The following CSMD3 variants were observed in gnomAD, a reference collection of about 807,000 sequenced individuals.
CSMD3 encodes CUB and sushi domain-containing protein 3.
CSMD3 carries 177 observed loss-of-function variants against 435.2 expected under a neutral mutation model. That is an observed-to-expected ratio of 0.41 (90% CI 0.36 to 0.46). CSMD3 has a LOEUF of 0.46. Among genes scored for constraint, CSMD3 ranks in the 20% least tolerant of loss-of-function variants. The probability of loss-of-function intolerance (pLI) is 0.34; values close to 1 mark genes in which losing one functional copy is unlikely to be tolerated. For synonymous variants in CSMD3, 1,656 were observed against 1,520.5 expected, an observed-to-expected ratio of 1.09 and a Z score of -2.07; for missense variants, 4,265 against 4,504.6, an observed-to-expected ratio of 0.95 and a Z score of 1.52.
intron 1 of CSMD3, among the ~76,000 whole-genome samples, chr8:113,401,894 G>C (rs1179067446): frequency 6.6e-6 from 1 of 151,588 alleles, no homozygotes; most frequent in Admixed American, 6.6e-5. Flanking sequence ...CCTAGAAACA[G>C]TAGGCTACAC....
chr8:112,569,756 G>C (rs1024051749), intron 24 of CSMD3, among the ~76,000 whole-genome samples: 9 of 152,242 alleles, frequency 5.9e-5, no homozygotes, highest in Admixed American at 3.3e-4. Flanking sequence ...GGATTAATCT[G>C]AATTAGATTA....
At position 113,258,501 on chromosome 8, in the gene CSMD3, A is replaced by G. The variant is rs80179213; in HGVS notation, c.514+20091T>C. ...GTGGCTATAATCTGGCCAATTGGAT[A>G]TAAGTAGAAGTGTCATAACACAGCT... On this transcript the variant is annotated intron_variant, in intron 3 of 70. Transcript: ENST00000297405. Among the ~76,000 whole-genome samples, 827 of 152,294 alleles carry G rather than the reference A, an allele frequency of 5.4e-3. 11 individuals carry two copies. The highest frequency in any genetic ancestry group is 0.019 in the African/African-American group (797 of 41,558).
At chr8:113,074,804 G>A (rs1326283620) in intron 5 of CSMD3, among the ~76,000 whole-genome samples, 1 of 151,640 alleles carries the variant, frequency 6.6e-6, no homozygotes, top group Non-Finnish European at 1.5e-5. Flanking sequence ...TCTCCAGTAA[G>A]GTTAATTTCA....
chr8:112,965,232 C>T (rs937403607), intron 7 of CSMD3, among the ~76,000 whole-genome samples: 2 of 151,924 alleles, frequency 1.3e-5, no homozygotes, highest in Admixed American at 6.6e-5. Context: ...TTCACTGTGA[C>T]GATCTCATTC....
intron 1 of CSMD3, chr8:113,377,257 C>A (rs562865412): frequency 7.6e-6 from 3 of 396,954 alleles, no homozygotes; most frequent in South Asian, 5.4e-5. Context: ...AACCGTGGAG[C>A]CTACCCTCTT....
chr8:113,247,450 A>G (rs2093287501), intron 3 of CSMD3, among the ~76,000 whole-genome samples: 1 of 152,184 alleles, frequency 6.6e-6, no homozygotes, highest in African/African-American at 2.4e-5. Flanking sequence ...CTATAGGTCC[A>G]GAAAGTAGGG....
At position 112,685,402 on chromosome 8, in the gene CSMD3, T is replaced by G. The variant is rs1339171099; in HGVS notation, c.2482+4A>C. 6.2e-7 allele frequency: 1 copy of G among 1,610,704 alleles called. No homozygotes were observed. On this transcript the variant is annotated splice_donor_region_variant and intron_variant, in intron 15 of 70. Coordinates refer to ENST00000297405, the MANE Select transcript of CSMD3 (RefSeq NM_198123.2). The stretch of plus-strand genomic sequence containing the variant: ...ATGGGAAAAAAACAGAAACAGAAAC[T>G]TACTGTTGTAAGTGATGTTAAAGCC...
intron 32 of CSMD3, among the ~76,000 whole-genome samples, chr8:112,453,404 C>T (rs1234609897): frequency 1.3e-5 from 2 of 152,064 alleles, no homozygotes; most frequent in Non-Finnish European, 2.9e-5. Flanking sequence ...TGATAAATGA[C>T]TTCAGTAAAG....
chr8:113,163,369 G>A (rs914542994), intron 4 of CSMD3, among the ~76,000 whole-genome samples: 1 of 152,128 alleles, frequency 6.6e-6, no homozygotes, highest in South Asian at 2.1e-4. Flanking sequence ...ATTTTAGAAA[G>A]AGCTGTGTGT....
At chr8:113,229,189 TG>T (rs2093058642) in intron 3 of CSMD3, among the ~76,000 whole-genome samples, 1 of 151,658 alleles carries the variant, frequency 6.6e-6, no homozygotes, top group African/African-American at 2.4e-5. Context: ...TAGTTACATA[TG>T]AAAAGCCACA....
At chr8:112,527,514 A>G (rs975069802) in intron 27 of CSMD3, among the ~76,000 whole-genome samples, 2 of 152,026 alleles carry the variant, frequency 1.3e-5, no homozygotes, top group Admixed American at 1.3e-4. Context: ...TTTCTTGAGT[A>G]GTTGATAAAA....
intron 22 of CSMD3, among the ~76,000 whole-genome samples, chr8:112,607,256 C>A (rs1365174179): frequency 6.6e-6 from 1 of 151,380 alleles, no homozygotes; most frequent in East Asian, 1.9e-4. Context: ...GAATAAATTC[C>A]AAGAAAAACA....
chr8:113,283,846 C>T (rs533467794), intron 2 of CSMD3, among the ~76,000 whole-genome samples: 9 of 152,106 alleles, frequency 5.9e-5, no homozygotes, highest in South Asian at 2.1e-4. Context: ...CATCAATCAA[C>T]GAGTGGATAA....
At chr8:112,504,734 A>G (rs572911224) in intron 29 of CSMD3, among the ~76,000 whole-genome samples, 1 of 152,270 alleles carries the variant, frequency 6.6e-6, no homozygotes, top group Non-Finnish European at 1.5e-5. Context: ...AACAACCTTC[A>G]AAAGTATAAC....
At chr8:112,596,113 G>C (rs1831689593) in intron 22 of CSMD3, among the ~76,000 whole-genome samples, 1 of 151,500 alleles carries the variant, frequency 6.6e-6, no homozygotes, top group Non-Finnish European at 1.5e-5. Context: ...GCTGTATTCA[G>C]GAAACCCATC....
intron 5 of CSMD3, among the ~76,000 whole-genome samples, chr8:113,033,457 C>CT (rs2087207283): frequency 6.6e-6 from 1 of 151,648 alleles, no homozygotes; most frequent in South Asian, 2.1e-4. Flanking sequence ...AGGGTTTAGA[C>CT]TTGCATGGAG....
intron 27 of CSMD3, among the ~76,000 whole-genome samples, chr8:112,531,906 G>A (rs994122379): frequency 6.6e-6 from 1 of 152,068 alleles, no homozygotes; most frequent in Non-Finnish European, 1.5e-5. Flanking sequence ...ACCTTGGAGT[G>A]CCCGAGATAT....
chr8:112,418,964 G>T (rs1287204414), intron 32 of CSMD3, among the ~76,000 whole-genome samples: 1 of 152,066 alleles, frequency 6.6e-6, no homozygotes, highest in African/African-American at 2.4e-5. Flanking sequence ...TAAATTTTGT[G>T]TTCAGATGTG....
chr8:112,445,979 TTAAA>T (rs1815558572), intron 32 of CSMD3, among the ~76,000 whole-genome samples: 1 of 152,252 alleles, frequency 6.6e-6, no homozygotes, highest in Admixed American at 6.5e-5. Context: ...AAACTTTTTC[TTAAA>T]TAATTCTAGA....
Sources: allele counts gnomAD v4.1 joint callset (sites outside exome capture counted in the v4.1 genomes callset), GRCh38; gene constraint gnomAD v4.1.1; transcripts MANE v1.5; gene names NCBI Gene and HGNC (gene_info 2026-07-23, HGNC 2026-07-21).